Variants in INVS observed in about 807,000 individuals in gnomAD.
The protein encoded by INVS is inversion of embryo turning homolog.
A neutral mutation model predicts 108.8 loss-of-function variants in INVS; 86 were observed. That is an observed-to-expected ratio of 0.79 (90% confidence interval 0.66 to 0.95). INVS has a LOEUF of 0.95. Ranked by LOEUF, INVS falls within the 40% of genes least tolerant of loss-of-function variation. The probability of loss-of-function intolerance (pLI) is 0.00; values close to 1 mark genes in which losing one functional copy is unlikely to be tolerated. For synonymous variants in INVS, 455 were observed against 473.5 expected (o/e 0.96, Z 0.51); for missense variants, 1,169 against 1,297.4 (o/e 0.90, Z 1.52).
chr9:100,275,835 A>C (rs1318921211), intron 12 of INVS, among the ~76,000 whole-genome samples: 1 of 152,246 alleles, frequency 6.6e-6, no homozygotes, highest in East Asian at 1.9e-4. Context: ...GAATATCTAT[A>C]ATCAATTTGA....
intron 7 of INVS, among the ~76,000 whole-genome samples, chr9:100,244,043 T>C (rs1186028048): frequency 6.6e-6 from 1 of 152,022 alleles, no homozygotes; most frequent in Non-Finnish European, 1.5e-5. Flanking sequence ...AATACTATCA[T>C]CAAGCGTAGT....
chr9:100,113,317 GA>G (rs930917041), intron 2 of INVS, among the ~76,000 whole-genome samples: 1 of 152,132 alleles, frequency 6.6e-6, no homozygotes, highest in African/African-American at 2.4e-5. Context: ...AAAAAGTTCT[GA>G]AAAAGAATAT....
intron 3 of INVS, among the ~76,000 whole-genome samples, chr9:100,179,256 T>C (rs1000561769): frequency 6.6e-6 from 1 of 152,120 alleles, no homozygotes; most frequent in African/African-American, 2.4e-5. Context: ...CCAGGTAGCA[T>C]CACAATGACA....
At chr9:100,145,572 G>T (rs528328521) in intron 3 of INVS, among the ~76,000 whole-genome samples, 1 of 151,910 alleles carries the variant, frequency 6.6e-6, no homozygotes, top group Middle Eastern at 3.2e-3. Flanking sequence ...GGGGTTGGGG[G>T]GTTCTTGCCC....
chr9:100,229,234 T>C (rs1295358349), intron 4 of INVS, among the ~76,000 whole-genome samples: 1 of 152,126 alleles, frequency 6.6e-6, no homozygotes, highest in Non-Finnish European at 1.5e-5. Context: ...ATTTTGAGCT[T>C]TGGGGCCATT....
intron 11 of INVS, among the ~76,000 whole-genome samples, chr9:100,267,836 C>A (rs1832838940): frequency 6.6e-6 from 1 of 152,034 alleles, no homozygotes; most frequent in South Asian, 2.1e-4. Flanking sequence ...AATTGAGAAT[C>A]CTAATTTGAA....
chr9:100,302,020 A>ACAT lies in INVS; in HGVS notation c.*1349_*1351dup. On this transcript the variant is annotated 3_prime_UTR_variant, in exon 17 of 17. Coordinates refer to ENST00000262457, the MANE Select transcript of INVS (RefSeq NM_014425.5). Reference sequence around the variant, plus strand: ...GTGCTAGTCCGGGAAGCCAGCCTACACATCAATAGGAACGCCCAAACATTA... The same window carrying ACAT: ...GTGCTAGTCCGGGAAGCCAGCCTACACATCATCAATAGGAACGCCCAAACATTA... The ACAT allele has an allele frequency of 4.2e-6, 2 of 481,012 alleles. No homozygotes were observed. The highest frequency in any genetic ancestry group is 3.4e-5 in the Admixed American group (1 of 29,838). The allele number at this position is 481,012 out of a possible 1,614,324, so 29.8% of individuals were successfully genotyped here.
At chr9:100,209,981 A>T (rs1270962147) in intron 3 of INVS, among the ~76,000 whole-genome samples, 1 of 152,008 alleles carries the variant, frequency 6.6e-6, no homozygotes, top group East Asian at 1.9e-4. Context: ...TCCTCCACAC[A>T]CAATGCCGTC....
intron 7 of INVS, among the ~76,000 whole-genome samples, chr9:100,243,604 G>A (rs142209376): frequency 4.7e-4 from 71 of 152,234 alleles, no homozygotes; most frequent in African/African-American, 1.5e-3. Context: ...AGCTTCCTGA[G>A]TATGAATGAC....
chr9:100,183,278 A>G (rs1289740805), intron 3 of INVS, among the ~76,000 whole-genome samples: 2 of 152,218 alleles, frequency 1.3e-5, no homozygotes. Context: ...TATAATTAAA[A>G]AAAGAAAAGA....
intron 3 of INVS, among the ~76,000 whole-genome samples, chr9:100,192,029 G>A (rs1199511650): frequency 6.6e-6 from 1 of 152,122 alleles, no homozygotes; most frequent in Non-Finnish European, 1.5e-5. Flanking sequence ...TGGTGTGTGA[G>A]CAGGTTCACT....
intron 3 of INVS, among the ~76,000 whole-genome samples, chr9:100,152,573 C>G (rs575611001): frequency 6.6e-6 from 1 of 152,274 alleles, no homozygotes; most frequent in East Asian, 1.9e-4. Flanking sequence ...CACTTGCTCA[C>G]CATTCCAATT....
intron 1 of INVS, among the ~76,000 whole-genome samples, chr9:100,100,854 T>TACATATA (rs1826898439): frequency 1.4e-4 from 1 of 7,080 alleles, no homozygotes; most frequent in East Asian, 0.05. Flanking sequence ...ATAATATATG[T>TACATATA]ATATATAATA....
rs1564141933 is a variant in INVS, at chr9:100,168,812, T to A, written c.273+42263T>A. ...AAACTTAATTAAATATCCCTTTAGA[T>A]AATAAATCTATGGAACTTTAAATGA... On this transcript the variant is annotated intron_variant, in intron 3 of 16. Coordinates refer to ENST00000262457, the MANE Select transcript of INVS (RefSeq NM_014425.5). 3.3e-5 allele frequency among the ~76,000 whole-genome samples: 5 copies of A among 152,330 alleles called. No homozygotes were observed. In the East Asian group the frequency reaches 5.8e-4, roughly 18 times the overall value.
intron 3 of INVS, among the ~76,000 whole-genome samples, chr9:100,159,264 G>T (rs1196406473): frequency 6.6e-6 from 1 of 152,120 alleles, no homozygotes; most frequent in Non-Finnish European, 1.5e-5. Flanking sequence ...TTTTAGGGAA[G>T]GTTTCATGAA....
In INVS at chr9:100,292,643, C is replaced by G. The variant is rs147731667; in HGVS notation, c.2386C>G (p.Gln796Glu). ...ATGTGCCCCCCAGAAAAGGCGCACT[C>G]AAGAGCTCAGAGGAGGAAGGTGCTC... ...AKCAPQKRRT[Q>E]ELRGGRCSPA... The change falls in exon 14 of 17, where the codon CAA becomes GAA. Residue 796 changes from glutamine to glutamate, a missense_variant. Gln to Glu is a conservative substitution (Grantham distance 29). This residue lies in a region of INVS where 533 missense variants were observed against 536.0 expected (regional missense o/e 0.99). Transcript: ENST00000262457. 1.0e-4 allele frequency: 167 copies of G among 1,614,164 alleles called. No individual in the cohort carries two copies. In the African/African-American group the frequency reaches 1.9e-3, roughly 18 times the overall value.
At position 100,301,174 on chromosome 9, in the gene INVS, CACACATA is replaced by C. The variant is rs1564197756; in HGVS notation, c.*501_*507del. Among the ~76,000 whole-genome samples, 10 of 98,524 alleles carry C rather than the reference CACACATA, an allele frequency of 1.0e-4. No homozygotes were observed. In the South Asian group the frequency reaches 1.6e-3, roughly 16 times the overall value. The allele number at this position is 98,524 out of a possible 152,430, so 64.6% of individuals were successfully genotyped here. A position where few individuals can be genotyped will look rare whatever the true frequency, so the allele number is the denominator to read the frequency against. Reference sequence around the variant, plus strand: ...ACACACACACACACACACACACACACACACATATCACGTCCCACTATTACTTCAAAAT... The same window carrying C: ...ACACACACACACACACACACACACACTCACGTCCCACTATTACTTCAAAAT... On this transcript the variant is annotated 3_prime_UTR_variant, in exon 17 of 17. Transcript: ENST00000262457.
intron 3 of INVS, among the ~76,000 whole-genome samples, chr9:100,188,996 G>C (rs1830138630): frequency 6.6e-6 from 1 of 151,610 alleles, no homozygotes. Context: ...GGTGTTCACA[G>C]TAGTCTCAAA....
intron 3 of INVS, among the ~76,000 whole-genome samples, chr9:100,213,841 A>G (rs1293075117): frequency 7.9e-5 from 12 of 152,284 alleles, no homozygotes; most frequent in Non-Finnish European, 2.9e-5. Context: ...ACATTACCTC[A>G]TCTCTCCAGT....
Sources: allele counts gnomAD v4.1 joint callset (sites outside exome capture counted in the v4.1 genomes callset), GRCh38; gene constraint gnomAD v4.1.1; regional missense constraint gnomAD v4.1.1; transcripts MANE v1.5; gene names NCBI Gene and HGNC (gene_info 2026-07-23, HGNC 2026-07-21).